TATDN1: variants seen among roughly 807,000 people sequenced by gnomAD.
TATDN1 encodes deoxyribonuclease TATDN1.
In TATDN1, 40 loss-of-function variants were observed where a neutral mutation model predicts 46.4. The ratio of observed to expected loss-of-function variants is 0.86; its 90% CI spans 0.67 to 1.12. The LOEUF is 1.12. TATDN1 is among the 50% of genes most tolerant of loss of function. The pLI is 0.00. For synonymous variants in TATDN1, 95 were observed against 105.6 expected (o/e 0.90, Z 0.62); for missense variants, 326 against 348.4 (o/e 0.94, Z 0.51).
intron 9 of TATDN1, among the ~76,000 whole-genome samples, chr8:124,501,125 T>G (rs968531156): frequency 1.2e-4 from 18 of 151,798 alleles, no homozygotes; most frequent in African/African-American, 4.1e-4. Context: ...CACAGAGGAG[T>G]ACAGGCGTCA....
Position 124,518,857 on chromosome 8 carries a change from G to C in TATDN1, c.163C>G (p.Gln55Glu). The change falls in exon 4 of 12, where the codon CAA becomes GAA. Residue 55 changes from glutamine (Q) to glutamate (E), a missense_variant. By Grantham distance (29) the Gln-to-Glu change is conservative. Coordinates refer to ENST00000276692, the MANE Select transcript of TATDN1 (RefSeq NM_032026.4). ...KKFMITGGNLQDSKDALHLAQ... is the reference protein window; with the variant it reads ...KKFMITGGNLEDSKDALHLAQ... ...AAATGCAGTGCATCTTTACTGTCTT[G>C]TAGATTTCCACCTGTAATCATAAAC... 1 of 1,610,218 alleles carries C rather than the reference G, an allele frequency of 6.2e-7. No homozygotes were observed. Among genetic ancestry groups the C allele is most frequent in the South Asian group, 1.1e-5 (1 of 90,690 alleles).
At chr8:124,502,100 C>G (rs997916609) in intron 9 of TATDN1, among the ~76,000 whole-genome samples, 2 of 151,948 alleles carry the variant, frequency 1.3e-5, no homozygotes, top group South Asian at 4.2e-4. Context: ...TTTGGGAGGC[C>G]GAGACGGGCA....
intron 6 of TATDN1, among the ~76,000 whole-genome samples, chr8:124,513,412 A>G (rs977134581): frequency 4.6e-5 from 7 of 152,174 alleles, no homozygotes; most frequent in African/African-American, 1.7e-4. Context: ...TTTAGTAAGC[A>G]CTTCCAACCT....
chr8:124,519,184 A>T (rs996640199), intron 3 of TATDN1, among the ~76,000 whole-genome samples: 1 of 152,254 alleles, frequency 6.6e-6, no homozygotes, highest in Non-Finnish European at 1.5e-5. Flanking sequence ...GACAGAGATC[A>T]GGTGTTATGA....
chr8:124,520,700 TG>T (rs1819956535), intron 3 of TATDN1, among the ~76,000 whole-genome samples: 1 of 151,864 alleles, frequency 6.6e-6, no homozygotes, highest in African/African-American at 2.4e-5. Flanking sequence ...CCCAGCACTT[TG>T]GGAAGCCAAG....
intron 8 of TATDN1, among the ~76,000 whole-genome samples, chr8:124,505,867 A>T (rs1285544565): frequency 1.4e-5 from 2 of 140,082 alleles, no homozygotes; most frequent in Admixed American, 1.4e-4. Context: ...ACTAGAAAAG[A>T]TGCCCTCCAT....
At chr8:124,531,908 G>A (rs1000710995) in intron 1 of TATDN1, among the ~76,000 whole-genome samples, 3 of 152,202 alleles carry the variant, frequency 2.0e-5, no homozygotes, top group Admixed American at 6.5e-5. Flanking sequence ...TCTTTGCAGG[G>A]TGCTGGGTAG....
chr8:124,515,997 G>A lies in TATDN1; in HGVS notation c.236C>T (p.Thr79Ile), dbSNP rs1229108657. ...ATTCTTTTCAAATTCACCACATCTT[G>A]TAGGATGACATCCAACTGTACTGAA... Reference protein sequence around the residue: ...MFFSTVGCHPTRCGEFEKNNP... With the variant: ...MFFSTVGCHPIRCGEFEKNNP... The change falls in exon 5 of 12, where the codon ACA becomes ATA. Residue 79 changes from threonine (T) to isoleucine (I), a missense_variant. By Grantham distance (89) the Thr-to-Ile change is moderately conservative (BLOSUM62 -1). Transcript: ENST00000276692. 10 of 1,613,454 alleles carry A rather than the reference G, an allele frequency of 6.2e-6. No homozygotes were observed. In the South Asian group the frequency reaches 1.1e-4, roughly 18 times the overall value.
At chr8:124,538,962 C>T (rs1563701667) in intron 1 of TATDN1, 63 bp downstream of exon 1, 1 of 1,606,962 alleles carries the variant, frequency 6.2e-7, no homozygotes. Context: ...GTCCTGTGAC[C>T]TTGGTGACCG....
In TATDN1 at chr8:124,504,297, C is replaced by T; in HGVS notation, c.567G>A (p.Leu189=). The change falls in exon 9 of 12, where the codon TTG becomes TTA. Residue 189 remains leucine, a synonymous_variant. Coordinates refer to ENST00000276692, the MANE Select transcript of TATDN1 (RefSeq NM_032026.4). The part of the protein sequence containing the change: ...TKEAAAALID[L]DLYIGFNGCS... ...AACCATTAAATCCTATATAAAGATCCAAGTCAATCAAAGCAGCTGCTGCTT... is the reference window on the plus strand; with the variant it reads ...AACCATTAAATCCTATATAAAGATCTAAGTCAATCAAAGCAGCTGCTGCTT... 6.2e-7 allele frequency: 1 copy of T among 1,608,370 alleles called. No individual in the cohort carries two copies. Among genetic ancestry groups the T allele is most frequent in the Non-Finnish European group, 8.5e-7 (1 of 1,177,654 alleles).
At chr8:124,498,415 A>AC (rs1179178293) in intron 9 of TATDN1, among the ~76,000 whole-genome samples, 1 of 128,646 alleles carries the variant, frequency 7.8e-6, no homozygotes, top group African/African-American at 2.9e-5. Context: ...TCTTAAGAAA[A>AC]CCCCCACCCC....
intron 9 of TATDN1, among the ~76,000 whole-genome samples, chr8:124,497,473 A>C (rs1026969309): frequency 6.6e-6 from 1 of 151,680 alleles, no homozygotes; most frequent in African/African-American, 2.4e-5. Context: ...TTTAGTAGAG[A>C]GGGGGGTTTC....
intron 6 of TATDN1, 93 bp downstream of exon 6, chr8:124,515,653 T>A: frequency 8.0e-7 from 1 of 1,256,310 alleles, no homozygotes; most frequent in Non-Finnish European, 1.1e-6. Context: ...AATATCCTCA[T>A]GCTTAATCCA....
chr8:124,531,261 A>G (rs968729419), intron 1 of TATDN1, among the ~76,000 whole-genome samples: 7 of 152,108 alleles, frequency 4.6e-5, no homozygotes, highest in African/African-American at 1.4e-4. Context: ...ACCAGTAACA[A>G]TTTCAAAAGG....
chr8:124,528,513 GA>G (rs1820698700), intron 1 of TATDN1, among the ~76,000 whole-genome samples: 2 of 152,112 alleles, frequency 1.3e-5, no homozygotes, highest in South Asian at 4.1e-4. Flanking sequence ...TATGTAACAG[GA>G]GGTATGGGCC....
intron 1 of TATDN1, among the ~76,000 whole-genome samples, chr8:124,535,919 T>C (rs775368630): frequency 2.6e-5 from 4 of 152,198 alleles, no homozygotes; most frequent in Non-Finnish European, 5.9e-5. Flanking sequence ...TCCACCCCCA[T>C]GAGATGGATG....
intron 8 of TATDN1, among the ~76,000 whole-genome samples, chr8:124,505,136 G>A (rs1052258917): frequency 6.6e-6 from 1 of 151,304 alleles, no homozygotes; most frequent in Non-Finnish European, 1.5e-5. Flanking sequence ...TGTAACCCCA[G>A]CACTTTGGGA....
chr8:124,533,451 C>G (rs930730337), intron 1 of TATDN1, among the ~76,000 whole-genome samples: 1 of 151,590 alleles, frequency 6.6e-6, no homozygotes, highest in Middle Eastern at 3.2e-3. Context: ...TTTTTGGTAG[C>G]CTTGATGAGG....
At chr8:124,498,274 T>C (rs942051088) in intron 9 of TATDN1, among the ~76,000 whole-genome samples, 9 of 152,174 alleles carry the variant, frequency 5.9e-5, no homozygotes, top group African/African-American at 1.9e-4. Flanking sequence ...AGTGGGTATA[T>C]TATGAAACTT....
Sources: allele counts gnomAD v4.1 joint callset (sites outside exome capture counted in the v4.1 genomes callset), GRCh38; gene constraint gnomAD v4.1.1; transcripts MANE v1.5; gene names NCBI Gene and HGNC (gene_info 2026-07-23, HGNC 2026-07-21).